Variants in GCNT2 observed in about 807,000 individuals in gnomAD.
GCNT2 encodes the protein N-acetyllactosaminide beta-1,6-N-acetylglucosaminyl-transferase.
A neutral mutation model predicts 34.2 loss-of-function variants in GCNT2; 34 were observed. The observed-to-expected ratio is 1.00, with a 90% CI of 0.76 to 1.32. GCNT2 has a LOEUF of 1.32. GCNT2 is among the 40% of genes most tolerant of loss of function. The pLI is 0.00. For synonymous variants in GCNT2, 212 were observed against 188.0 expected, an observed-to-expected ratio of 1.13 and a Z score of -1.04; for missense variants, 584 against 489.4, an observed-to-expected ratio of 1.19 and a Z score of -1.82.
At chr6:10,583,163 A>C (rs1172623645) in intron 3 of GCNT2, among the ~76,000 whole-genome samples, 1 of 152,070 alleles carries the variant, frequency 6.6e-6, no homozygotes, top group Non-Finnish European at 1.5e-5. Flanking sequence ...GGGTGATCTC[A>C]AAGATCCCCG....
At chr6:10,553,173 C>T (rs1238283288) in intron 3 of GCNT2, among the ~76,000 whole-genome samples, 2 of 152,224 alleles carry the variant, frequency 1.3e-5, no homozygotes, top group Non-Finnish European at 2.9e-5. Context: ...TGCATTCGTA[C>T]ATGCAATTAA....
Position 10,626,701 on chromosome 6 carries a change from T to TTTCAGGACCACGTTTATAGC in GCNT2, c.*104_*123dup. On this transcript the variant is annotated 3_prime_UTR_variant, in exon 5 of 5. Transcript: ENST00000495262. ...ACTTTTGCCTTCGTAATGTTAACCG[T>TTTCAGGACCACGTTTATAGC]TTCAGGACCACGTTTATAGCTTCAG... 1 of 872,446 alleles carries TTTCAGGACCACGTTTATAGC rather than the reference T, an allele frequency of 1.1e-6. No homozygotes were observed. The highest frequency in any genetic ancestry group is 1.9e-6 in the Non-Finnish European group (1 of 523,390). 54.0% of individuals were successfully genotyped at this position (872,446 alleles called of 1,614,324 possible).
At chr6:10,534,621 A>G (rs568924793) in intron 3 of GCNT2, among the ~76,000 whole-genome samples, 3 of 152,206 alleles carry the variant, frequency 2.0e-5, no homozygotes, top group East Asian at 1.9e-4. Flanking sequence ...AAGTTGTCCA[A>G]TCAGCTGTGA....
At chr6:10,538,087 G>C (rs755355963) in intron 3 of GCNT2, among the ~76,000 whole-genome samples, 2 of 151,890 alleles carry the variant, frequency 1.3e-5, no homozygotes, top group Non-Finnish European at 2.9e-5. Context: ...AATGCTCATG[G>C]CTTTCACACA....
chr6:10,559,533 C>G (rs1762876741), intron 3 of GCNT2, among the ~76,000 whole-genome samples: 2 of 152,226 alleles, frequency 1.3e-5, no homozygotes, highest in African/African-American at 4.8e-5. Flanking sequence ...ACATACCTTT[C>G]TTTGCAGAAG....
In GCNT2 at chr6:10,570,938, T is replaced by C. The variant is rs549083587; in HGVS notation, c.925+41102T>C. On this transcript the variant is annotated intron_variant, in intron 3 of 4. Coordinates refer to ENST00000495262, the MANE Select transcript of GCNT2 (RefSeq NM_145649.5). ...CATTATCCTACCACTTTATGGACTT[T>C]CTTTGTCAGGTACTCAGTCTAAACC... 7.2e-5 allele frequency among the ~76,000 whole-genome samples: 11 copies of C among 152,364 alleles called. No homozygotes were observed. The South Asian group carries it at 1.9e-3, about 26-fold the overall frequency.
At chr6:10,553,014 C>T (rs923086152) in intron 3 of GCNT2, among the ~76,000 whole-genome samples, 1 of 152,330 alleles carries the variant, frequency 6.6e-6, no homozygotes, top group Admixed American at 6.5e-5. Context: ...CCAGTCTTCT[C>T]AGTGCCATCT....
chr6:10,527,795 C>T (rs1428034724), intron 2 of GCNT2, 135 bp downstream of exon 2: 2 of 152,094 alleles, frequency 1.3e-5, no homozygotes, highest in Non-Finnish European at 2.9e-5. Context: ...CTGGACACGG[C>T]GATGGACTCT....
At chr6:10,549,563 CTTTTTTTT>C (rs33909973) in intron 3 of GCNT2, among the ~76,000 whole-genome samples, 1 of 104,300 alleles carries the variant, frequency 9.6e-6, no homozygotes, top group Non-Finnish European at 1.8e-5. Flanking sequence ...ATCTCTCTCT[CTTTTTTTT>C]TTTTTTTTTT....
chr6:10,573,885 C>A (rs624678), intron 3 of GCNT2, among the ~76,000 whole-genome samples: 72,253 of 151,960 alleles, frequency 0.48, 17,605 homozygotes, highest in East Asian at 0.64. Flanking sequence ...GCCTATGCTT[C>A]GGGATATTTC....
Position 10,612,226 on chromosome 6 carries a change from A to T in GCNT2, c.926-9125A>T, listed in dbSNP as rs1012950571. On this transcript the variant is annotated intron_variant, in intron 3 of 4. Coordinates refer to ENST00000495262, the MANE Select transcript of GCNT2 (RefSeq NM_145649.5). Reference sequence around the variant, plus strand: ...GGTCTTGAACTCCTGACCTCAGGTAATCCACTCCTCTCAGCCTCCCAGAGT... The same window carrying T: ...GGTCTTGAACTCCTGACCTCAGGTATTCCACTCCTCTCAGCCTCCCAGAGT... Among the ~76,000 whole-genome samples the T allele has an allele frequency of 2.0e-5, 3 of 152,160 alleles. No homozygotes were observed. In the East Asian group the frequency reaches 5.8e-4, roughly 29 times the overall value.
chr6:10,585,576 T>C (rs544582828), intron 3 of GCNT2, among the ~76,000 whole-genome samples: 14 of 152,076 alleles, frequency 9.2e-5, no homozygotes, highest in Non-Finnish European at 1.2e-4. Context: ...TCAGAATAGA[T>C]TGATGGAAGG....
chr6:10,526,058 A>T (rs1193605370), intron 1 of GCNT2, among the ~76,000 whole-genome samples: 1 of 152,228 alleles, frequency 6.6e-6, no homozygotes, highest in Non-Finnish European at 1.5e-5. Flanking sequence ...TTTGATATGG[A>T]CAGGGTCTAA....
chr6:10,574,582 A>C (rs1763705701), intron 3 of GCNT2, among the ~76,000 whole-genome samples: 3 of 152,134 alleles, frequency 2.0e-5, no homozygotes, highest in Non-Finnish European at 4.4e-5. Flanking sequence ...AAAATTGCAA[A>C]ATTTAGGATG....
chr6:10,599,135 C>T (rs1326805341), intron 3 of GCNT2, among the ~76,000 whole-genome samples: 1 of 152,142 alleles, frequency 6.6e-6, no homozygotes, highest in African/African-American at 2.4e-5. Flanking sequence ...GAATTCCCTC[C>T]GTCCCTCAGC....
chr6:10,591,322 C>T (rs1358848271), intron 3 of GCNT2, among the ~76,000 whole-genome samples: 2 of 152,148 alleles, frequency 1.3e-5, no homozygotes, highest in African/African-American at 4.8e-5. Context: ...TGGGCAGAAC[C>T]TATGAAAGTG....
At position 10,569,994 on chromosome 6, in the gene GCNT2, G is replaced by A. The variant is rs555376162; in HGVS notation, c.925+40158G>A. On this transcript the variant is annotated intron_variant, in intron 3 of 4. Transcript: ENST00000495262. ...TTTCTCTCTTTCTTTCTTCCTGACA[G>A]AGTTGCACTCTGTCACCCAGGCTGG... is the stretch of plus-strand genomic sequence containing the variant. Among the ~76,000 whole-genome samples the A allele has an allele frequency of 4.8e-5, 7 of 146,024 alleles. No homozygotes were observed. In the East Asian group the frequency reaches 1.4e-3, roughly 30 times the overall value.
intron 3 of GCNT2, among the ~76,000 whole-genome samples, chr6:10,538,408 CAAAAAAAAAAAAAAAA>C (rs70991023): frequency 5.0e-5 from 2 of 40,182 alleles, no homozygotes; most frequent in Admixed American, 4.2e-4. Flanking sequence ...GACTCCGTCT[CAAAAAAAAAAAAAAAA>C]AAAAAAAAAA....
intron 3 of GCNT2, chr6:10,581,744 A>G (rs1197903838): frequency 4.1e-6 from 4 of 985,034 alleles, no homozygotes; most frequent in Non-Finnish European, 4.8e-6. Context: ...AAGGGAAAAA[A>G]CCGACTGAAC....
Sources: gnomAD v4.1 joint callset for allele counts (sites outside exome capture counted in the v4.1 genomes callset) on GRCh38, gnomAD v4.1.1 for gene constraint, MANE v1.5 for transcripts, NCBI Gene and HGNC (gene_info 2026-07-23, HGNC 2026-07-21) for gene names.